Variants in SLC35A1 observed in about 807,000 individuals in gnomAD.
SLC35A1 encodes the protein solute carrier family 35 member A1.
Under a neutral mutation model 40.3 loss-of-function variants are expected in SLC35A1, and 21 were observed. The observed-to-expected ratio is 0.52, with a 90% CI of 0.37 to 0.75. The LOEUF is 0.75. Ranked by LOEUF, SLC35A1 falls within the 30% of genes least tolerant of loss-of-function variation. SLC35A1 has a pLI of 0.00. For missense variants in SLC35A1, 297 were observed against 382.1 expected, an observed-to-expected ratio of 0.78 and a Z score of 1.86; for synonymous variants, 146 against 147.3, an observed-to-expected ratio of 0.99 and a Z score of 0.06.
chr6:87,477,594 T>C, intron 2 of SLC35A1, 55 bp downstream of exon 2: 1 of 1,427,518 alleles, frequency 7.0e-7, no homozygotes, highest in Non-Finnish European at 9.9e-7. Context: ...GTGAGGGTAT[T>C]TGTTAGAAAA....
intron 2 of SLC35A1, among the ~76,000 whole-genome samples, chr6:87,481,674 C>T (rs1341390389): frequency 2.0e-5 from 3 of 152,048 alleles, no homozygotes; most frequent in Non-Finnish European, 4.4e-5. Flanking sequence ...CATATTTATC[C>T]GATTTTAATG....
chr6:87,490,673 T>C (rs142859856), intron 2 of SLC35A1, among the ~76,000 whole-genome samples: 299 of 152,306 alleles, frequency 2.0e-3, no homozygotes, highest in African/African-American at 7.0e-3. Context: ...GGTGCATATG[T>C]TGCTGTGGTC....
intron 2 of SLC35A1, among the ~76,000 whole-genome samples, chr6:87,498,632 G>A (rs546937621): frequency 2.6e-4 from 40 of 152,136 alleles, no homozygotes; most frequent in Admixed American, 1.7e-3. Flanking sequence ...TAAGCCGGGC[G>A]TAGTGGCCTG....
At chr6:87,503,118 C>T (rs1006686180) in intron 4 of SLC35A1, among the ~76,000 whole-genome samples, 1 of 152,134 alleles carries the variant, frequency 6.6e-6, no homozygotes, top group Non-Finnish European at 1.5e-5. Flanking sequence ...AGAACAGGAC[C>T]AGAGTTCTGT....
At chr6:87,491,423 G>C (rs1293361779) in intron 2 of SLC35A1, among the ~76,000 whole-genome samples, 1 of 152,146 alleles carries the variant, frequency 6.6e-6, no homozygotes, top group Admixed American at 6.5e-5. Context: ...GAAAGTAATT[G>C]ACAATGACAG....
chr6:87,495,159 C>T (rs1320940201), intron 2 of SLC35A1, among the ~76,000 whole-genome samples: 1 of 152,122 alleles, frequency 6.6e-6, no homozygotes, highest in Non-Finnish European at 1.5e-5. Context: ...GGGGTTTCGC[C>T]ATGTTGTCCA....
intron 4 of SLC35A1, 53 bp downstream of exon 4, chr6:87,501,363 G>A (rs190746387): frequency 1.3e-6 from 2 of 1,533,728 alleles, no homozygotes; most frequent in East Asian, 2.3e-5. Context: ...ACTTCCTTAA[G>A]TCTTATACTG....
Position 87,473,977 on chromosome 6 carries a change from G to T in SLC35A1, c.16+958G>T, listed in dbSNP as rs374390258. Among the ~76,000 whole-genome samples the T allele has an allele frequency of 5.9e-5, 9 of 152,358 alleles. No homozygotes were observed. The East Asian group carries it at 1.3e-3, about 23-fold the overall frequency. Reference sequence around the variant, plus strand: ...GTTTCTCATCAGGCCCTGCCCAGGGGCATTGTCTTTAGTTGCATATGCTTC... The same window carrying T: ...GTTTCTCATCAGGCCCTGCCCAGGGTCATTGTCTTTAGTTGCATATGCTTC... On this transcript the variant is annotated intron_variant, in intron 1 of 7. Transcript: ENST00000369552.
intron 2 of SLC35A1, among the ~76,000 whole-genome samples, chr6:87,489,535 C>CT (rs36003216): frequency 0.026 from 2,565 of 99,042 alleles, 174 homozygotes; most frequent in African/African-American, 0.074. Flanking sequence ...CAACTGTGAG[C>CT]TTTTTTTTTT....
intron 5 of SLC35A1, 64 bp from the exon 6 acceptor site, chr6:87,508,356 A>G (rs1485297759): frequency 1.8e-6 from 2 of 1,112,328 alleles, no homozygotes; most frequent in Non-Finnish European, 2.7e-6. Context: ...ATTGTTCTAA[A>G]TGAAAGACAT....
chr6:87,478,523 T>G (rs1769144140), intron 2 of SLC35A1, among the ~76,000 whole-genome samples: 1 of 152,162 alleles, frequency 6.6e-6, no homozygotes, highest in African/African-American at 2.4e-5. Context: ...TAGGCTTTTA[T>G]GTAGAAACAG....
rs1770281883 is a variant in SLC35A1, at chr6:87,511,732, C to T, written c.*206C>T. 1 of 592,332 alleles carries T rather than the reference C, an allele frequency of 1.7e-6. No individual in the cohort carries two copies. Among genetic ancestry groups the T allele is most frequent in the Admixed American group, 2.8e-5 (1 of 35,618 alleles). The allele number at this position is 592,332 out of a possible 1,614,324, so 36.7% of individuals were successfully genotyped here. A position where few individuals can be genotyped will look rare whatever the true frequency, so the allele number is the denominator to read the frequency against. On this transcript the variant is annotated 3_prime_UTR_variant, in exon 8 of 8. Coordinates refer to ENST00000369552, the MANE Select transcript of SLC35A1 (RefSeq NM_006416.5). ...TTAATGTAGACCTGTTTGGGGTCTA[C>T]TATTGTTTTAGAATGAAGGAATTGT...
Position 87,477,559 on chromosome 6 carries a change from G to A in SLC35A1, c.194+20G>A. 3 of 1,578,386 alleles carry A rather than the reference G, an allele frequency of 1.9e-6. No individual in the cohort carries two copies. On this transcript the variant is annotated intron_variant, in intron 2 of 7. Coordinates refer to ENST00000369552, the MANE Select transcript of SLC35A1 (RefSeq NM_006416.5). ...AGCTAAGTGAGTATAAATACTTATAGTGTGTTAAATTATTTTTCTACCTGG... is the reference window on the plus strand; with the variant it reads ...AGCTAAGTGAGTATAAATACTTATAATGTGTTAAATTATTTTTCTACCTGG...
At chr6:87,477,210 A>G in intron 1 of SLC35A1, 152 bp from the exon 2 acceptor site, 1 of 648,750 alleles carries the variant, frequency 1.5e-6, no homozygotes, top group Admixed American at 2.5e-5. Context: ...TGTAATTGGC[A>G]AACATTGTTT....
At chr6:87,475,701 T>G (rs1214096061) in intron 1 of SLC35A1, among the ~76,000 whole-genome samples, 2 of 152,212 alleles carry the variant, frequency 1.3e-5, no homozygotes, top group Non-Finnish European at 2.9e-5. Context: ...ATAATCTGTT[T>G]GAAACTCCTG....
At chr6:87,509,665 A>G (rs1271735168) in intron 7 of SLC35A1, among the ~76,000 whole-genome samples, 1 of 152,186 alleles carries the variant, frequency 6.6e-6, no homozygotes, top group African/African-American at 2.4e-5. Flanking sequence ...TTTGAAAACA[A>G]TCAAAATCTA....
At chr6:87,475,668 A>T (rs2268994) in intron 1 of SLC35A1, among the ~76,000 whole-genome samples, 91,107 of 152,082 alleles carry the variant, frequency 0.6, 28,077 homozygotes, top group African/African-American at 0.74. Context: ...TCCTTGTAAG[A>T]TCCAACCATA....
At chr6:87,495,654 T>G (rs1156501984) in intron 2 of SLC35A1, among the ~76,000 whole-genome samples, 1 of 143,330 alleles carries the variant, frequency 7.0e-6, no homozygotes, top group Non-Finnish European at 1.5e-5. Context: ...CCTCAAAGTC[T>G]TTTTTTTTTT....
chr6:87,507,358 T>C (rs578255285), intron 5 of SLC35A1, among the ~76,000 whole-genome samples: 1 of 152,286 alleles, frequency 6.6e-6, no homozygotes, highest in South Asian at 2.1e-4. Flanking sequence ...GGAACAAAAA[T>C]TGAGTTACCT....
Sources: gnomAD v4.1 joint callset for allele counts (sites outside exome capture counted in the v4.1 genomes callset) on GRCh38, gnomAD v4.1.1 for gene constraint, MANE v1.5 for transcripts, NCBI Gene and HGNC (gene_info 2026-07-23, HGNC 2026-07-21) for gene names.